The following NRL variants were observed in gnomAD, a reference collection of about 807,000 sequenced individuals.
NRL encodes neural retina-specific leucine zipper protein.
In NRL, 16 loss-of-function variants were observed where a neutral mutation model predicts 12.5. The ratio of observed to expected loss-of-function variants is 1.28; its 90% confidence interval spans 0.87 to 1.95. The LOEUF is 1.95. NRL is among the 30% of genes most tolerant of loss of function. The pLI, the probability that NRL is intolerant of heterozygous loss-of-function variation, is 0.00. For synonymous variants in NRL, 142 were observed against 150.9 expected (o/e 0.94, Z 0.43); for missense variants, 314 against 325.8 (o/e 0.96, Z 0.28).
chr14:24,081,037 C>T lies in NRL; in HGVS notation c.*199G>A, dbSNP rs147146405. ...TTTCTGTGTTCGTAAGGGGAGGGGACCCCTCTCCAGAAAATGACCAGCATC... is the reference window on the plus strand; with the variant it reads ...TTTCTGTGTTCGTAAGGGGAGGGGATCCCTCTCCAGAAAATGACCAGCATC... On this transcript the variant is annotated 3_prime_UTR_variant, in exon 3 of 3. Coordinates refer to ENST00000561028, the MANE Select transcript of NRL (RefSeq NM_001354768.3). The surrounding 1 kb of genome is among the most constrained non-coding windows in gnomAD (Gnocchi z 4.4). The T allele has an allele frequency of 5.6e-5, 23 of 408,762 alleles. No homozygotes were observed. In the East Asian group the frequency reaches 8.1e-4, roughly 14 times the overall value. The allele number at this position is 408,762 out of a possible 1,614,324, so 25.3% of individuals were successfully genotyped here. A position where few individuals can be genotyped will look rare whatever the true frequency, so the allele number is the denominator to read the frequency against.
chr14:24,092,228 G>C (rs2036652975), intron 1 of NRL, among the ~76,000 whole-genome samples: 1 of 152,170 alleles, frequency 6.6e-6, no homozygotes, highest in South Asian at 2.1e-4. Context: ...GGAGAGGCAG[G>C]AGTCCAAGAA....
At chr14:24,087,261 A>G (rs553288976) in intron 1 of NRL, among the ~76,000 whole-genome samples, 5 of 152,328 alleles carry the variant, frequency 3.3e-5, no homozygotes, top group Admixed American at 1.3e-4. Flanking sequence ...GGACTAGAAC[A>G]GTAAGAGTGG....
chr14:24,082,853 G>C lies in NRL; in HGVS notation c.-5C>G. ...GGGGCTGGGGGGCAGGGCCATTCTGGAGCTGGGCTGGGAGGAGTGCACCTG... is the reference window on the plus strand; with the variant it reads ...GGGGCTGGGGGGCAGGGCCATTCTGCAGCTGGGCTGGGAGGAGTGCACCTG... On this transcript the variant is annotated 5_prime_UTR_variant, in exon 2 of 3. Transcript: ENST00000561028. 6.2e-7 allele frequency: 1 copy of C among 1,610,374 alleles called. No homozygotes were observed.
intron 1 of NRL, among the ~76,000 whole-genome samples, chr14:24,102,103 C>T (rs1169441123): frequency 1.3e-5 from 2 of 152,250 alleles, no homozygotes; most frequent in Admixed American, 6.5e-5. Context: ...TGGTGGGTGC[C>T]TGTAATCCCA....
chr14:24,084,616 T>C (rs2138881762), intron 1 of NRL: 1 of 985,460 alleles, frequency 1.0e-6, no homozygotes. Flanking sequence ...CTGGTGCCTC[T>C]GCTCAGCTCC....
chr14:24,081,962 A>T lies in NRL; in HGVS notation c.382-394T>A. 1 of 1,222,788 alleles carries T rather than the reference A, an allele frequency of 8.2e-7. No individual in the cohort carries two copies. The highest frequency in any genetic ancestry group is 1.0e-6 in the Non-Finnish European group (1 of 969,586). 75.7% of individuals were successfully genotyped at this position (1,222,788 alleles called of 1,614,324 possible). On this transcript the variant is annotated intron_variant, in intron 2 of 2. Coordinates refer to ENST00000561028, the MANE Select transcript of NRL (RefSeq NM_001354768.3). The surrounding 1 kb of genome is among the most constrained non-coding windows in gnomAD (Gnocchi z 4.4). Reference sequence around the variant, plus strand: ...GCGTTTCCCTGTCCTGAAGCCTGCAACCCGGTGACCCTCACAGGATTTGGA... The same window carrying T: ...GCGTTTCCCTGTCCTGAAGCCTGCATCCCGGTGACCCTCACAGGATTTGGA...
chr14:24,098,604 C>G (rs1223056560), intron 1 of NRL: 1 of 1,614,116 alleles, frequency 6.2e-7, no homozygotes, highest in South Asian at 1.1e-5. Flanking sequence ...CTGGGGACAC[C>G]TGTGCTTCAG....
At chr14:24,100,127 A>C (rs2037099232) in intron 1 of NRL, 2 of 1,613,498 alleles carry the variant, frequency 1.2e-6, no homozygotes, top group South Asian at 2.2e-5. Flanking sequence ...GAGACCAGTG[A>C]TGGTGGCGTG....
chr14:24,096,855 G>A, intron 1 of NRL: 2 of 1,591,074 alleles, frequency 1.3e-6, no homozygotes, highest in Non-Finnish European at 1.7e-6. Flanking sequence ...CACTCTCGAT[G>A]ACAGCAACTA....
chr14:24,114,043 C>A (rs1224901203), intron 1 of NRL, among the ~76,000 whole-genome samples: 2 of 152,200 alleles, frequency 1.3e-5, no homozygotes, highest in Non-Finnish European at 2.9e-5. Flanking sequence ...CAGGAGGGGG[C>A]AGGAGGGGGC....
rs1197275899 is a variant in NRL at position 24,094,359 on chromosome 14, C to A, written c.-27-11484G>T. The A allele has an allele frequency of 1.3e-6, 2 of 1,515,636 alleles. No individual in the cohort carries two copies. Among genetic ancestry groups the A allele is most frequent in the Non-Finnish European group, 1.8e-6 (2 of 1,125,968 alleles). The allele number at this position is 1,515,636 out of a possible 1,614,324, so 93.9% of individuals were successfully genotyped here. On this transcript the variant is annotated intron_variant, in intron 1 of 2. Coordinates refer to ENST00000561028, the MANE Select transcript of NRL (RefSeq NM_001354768.3). This position sits in a 1 kb window ranked among gnomAD's most constrained non-coding sequence, Gnocchi z 4.1. ...TCCTTCCCCGCCTTCCATACCTCCC[C>A]GGCTCCGCTCGGTTCCTGGCCACCC...
In NRL at chr14:24,094,131, T is replaced by C. The variant is rs899973396; in HGVS notation, c.-27-11256A>G. 1.1e-5 allele frequency: 6 copies of C among 539,512 alleles called. No homozygotes were observed. Among genetic ancestry groups the C allele is most frequent in the South Asian group, 4.6e-5 (2 of 43,636 alleles). 33.4% of individuals were successfully genotyped at this position (539,512 alleles called of 1,614,324 possible). On this transcript the variant is annotated intron_variant, in intron 1 of 2. Transcript: ENST00000561028. This position sits in a 1 kb window ranked among gnomAD's most constrained non-coding sequence, Gnocchi z 4.1. ...GGACCCAGTCCTCCAATGGGAGAGA[T>C]GGGTTTGGCGGTTTGGAGGCAGGGG...
At position 24,081,371 on chromosome 14, in the gene NRL, GC is replaced by G; in HGVS notation, c.578del (p.Arg193ProfsTer30). ...GCAGCGCGTCCAGCTGGGCGGCCAG[GC>G]GGGCGCGCTCGGCCTCCAGCCCGCG... Reference protein sequence around the residue: ...QRRGLEAERARLAAQLDALRA... With the variant: ...QRRGLEAERAXLAAQLDALRA... On this transcript the variant is annotated frameshift_variant, in exon 3 of 3. Coordinates refer to ENST00000561028, the MANE Select transcript of NRL (RefSeq NM_001354768.3). LOFTEE classifies it high-confidence loss of function. This position sits in a 1 kb window ranked among gnomAD's most constrained non-coding sequence, Gnocchi z 4.4. 7.0e-7 allele frequency: 1 copy of G among 1,436,120 alleles called. No individual in the cohort carries two copies. Among genetic ancestry groups the G allele is most frequent in the Non-Finnish European group, 9.1e-7 (1 of 1,097,282 alleles). The allele number at this position is 1,436,120 out of a possible 1,614,324, so 89.0% of individuals were successfully genotyped here.
intron 1 of NRL, chr14:24,095,266 TC>T (rs750263121): frequency 6.6e-6 from 3 of 453,318 alleles, no homozygotes; most frequent in South Asian, 4.7e-5. Flanking sequence ...TGTGGGGGCT[TC>T]ACAAGAGATA....
chr14:24,100,664 T>C (rs1008459078), intron 1 of NRL: 2 of 799,576 alleles, frequency 2.5e-6, no homozygotes, highest in African/African-American at 3.7e-5. Flanking sequence ...TTTGGCCCAT[T>C]AGGAAAAGAG....
At position 24,098,351 on chromosome 14, in the gene NRL, C is replaced by T. The variant is rs746104381; in HGVS notation, c.-27-15476G>A. The T allele has an allele frequency of 3.2e-5, 52 of 1,613,260 alleles. No homozygotes were observed. The highest frequency in any genetic ancestry group is 9.9e-5 in the South Asian group (9 of 91,000). On this transcript the variant is annotated intron_variant, in intron 1 of 2. Coordinates refer to ENST00000561028, the MANE Select transcript of NRL (RefSeq NM_001354768.3). ...CTGGATGTCCCCAGCTGATTTCCAG[C>T]GAGCTGTGGATGAGAGGTTTCCAGG...
intron 1 of NRL, 40 bp from the exon 2 acceptor site, chr14:24,082,915 C>T: frequency 1.3e-6 from 2 of 1,539,430 alleles, no homozygotes; most frequent in Admixed American, 3.8e-5. Context: ...ATGGAGGCCA[C>T]CTGCCATCCC....
Position 24,091,709 on chromosome 14 carries a change from CT to C in NRL, c.-27-8835del, listed in dbSNP as rs896016002. Among the ~76,000 whole-genome samples the C allele has an allele frequency of 3.6e-4, 54 of 148,298 alleles. 2 individuals carry two copies. The highest frequency in any genetic ancestry group is 8.2e-4 in the African/African-American group (33 of 40,322). ...TTTGTGTGACTTTGAGCAAATGACT[CT>C]TTTTTTTTTCAATATACACAAAGCA... On this transcript the variant is annotated intron_variant, in intron 1 of 2. Coordinates refer to ENST00000561028, the MANE Select transcript of NRL (RefSeq NM_001354768.3).
rs1299227020 is a variant in NRL at position 24,080,211 on chromosome 14, T to C, written c.*1025A>G. 1.3e-5 allele frequency: 2 copies of C among 152,198 alleles called. No homozygotes were observed. Among genetic ancestry groups the C allele is most frequent in the Non-Finnish European group, 1.5e-5 (1 of 68,038 alleles). The allele number at this position is 152,198 out of a possible 1,614,324, so 9.4% of individuals were successfully genotyped here. On this transcript the variant is annotated 3_prime_UTR_variant, in exon 3 of 3. Transcript: ENST00000561028. ...ACAAAAGCTGCACTCTCTCAGCAAA[T>C]TGTCATCCCAGGAGAAGTCTCACCT...
Sources: allele counts gnomAD v4.1 joint callset (sites outside exome capture counted in the v4.1 genomes callset), GRCh38; gene constraint gnomAD v4.1.1; non-coding constraint Gnocchi (gnomAD v3.1); transcripts MANE v1.5; gene names NCBI Gene and HGNC (gene_info 2026-07-23, HGNC 2026-07-21).